Variants in TIMP3 observed in about 807,000 individuals in gnomAD.
TIMP3 encodes TIMP metallopeptidase inhibitor 3.
In TIMP3, 11 loss-of-function variants were observed where a neutral mutation model predicts 30.0. The observed-to-expected ratio is 0.37, with a 90% CI of 0.23 to 0.61. TIMP3 has a LOEUF of 0.61. Among genes scored for constraint, TIMP3 ranks in the 20% least tolerant of loss-of-function variants. The pLI, the probability that TIMP3 is intolerant of heterozygous loss-of-function variation, is 0.70. For missense variants in TIMP3, 181 were observed against 276.8 expected (o/e 0.65, Z 2.45); for synonymous variants, 112 against 111.3 (o/e 1.01, Z -0.04).
chr22:32,843,634 A>G (rs1475417784), intron 1 of TIMP3, among the ~76,000 whole-genome samples: 1 of 152,070 alleles, frequency 6.6e-6, no homozygotes, highest in Non-Finnish European at 1.5e-5. Flanking sequence ...GTGTGTTTTC[A>G]TGGGTAGGGC....
chr22:32,845,384 G>T (rs975011510), intron 1 of TIMP3, among the ~76,000 whole-genome samples: 1 of 151,932 alleles, frequency 6.6e-6, no homozygotes, highest in Admixed American at 6.6e-5. Context: ...TAGAGATGGG[G>T]TTTCACCATG....
intron 1 of TIMP3, among the ~76,000 whole-genome samples, chr22:32,820,175 C>T (rs953221636): frequency 1.3e-5 from 2 of 152,020 alleles, no homozygotes; most frequent in African/African-American, 4.8e-5. Flanking sequence ...GCTCCTGTGC[C>T]CAAGCCCTTC....
At chr22:32,838,369 C>T (rs2047797500) in intron 1 of TIMP3, among the ~76,000 whole-genome samples, 1 of 152,178 alleles carries the variant, frequency 6.6e-6, no homozygotes, top group African/African-American at 2.4e-5. Flanking sequence ...TTCCTGAGTG[C>T]TACCACAAGG....
intron 1 of TIMP3, among the ~76,000 whole-genome samples, chr22:32,815,300 CGG>C (rs1277742511): frequency 6.6e-6 from 1 of 152,134 alleles, no homozygotes; most frequent in Non-Finnish European, 1.5e-5. Context: ...AACCCATGTG[CGG>C]TGACACTGGA....
chr22:32,848,037 G>A (rs934919394), intron 1 of TIMP3, among the ~76,000 whole-genome samples: 18 of 152,172 alleles, frequency 1.2e-4, no homozygotes, highest in African/African-American at 4.1e-4. Context: ...GCAATTTCCA[G>A]TTTTGGTATT....
intron 1 of TIMP3, among the ~76,000 whole-genome samples, chr22:32,809,058 A>G (rs965303056): frequency 6.6e-6 from 1 of 152,194 alleles, no homozygotes; most frequent in East Asian, 1.9e-4. Context: ...GATCACAAAC[A>G]TAATACTGTA....
At chr22:32,831,315 G>A (rs1221348196) in intron 1 of TIMP3, among the ~76,000 whole-genome samples, 1 of 152,174 alleles carries the variant, frequency 6.6e-6, no homozygotes, top group Non-Finnish European at 1.5e-5. Context: ...GTGTCCCTGG[G>A]AATTGAAGGG....
intron 1 of TIMP3, among the ~76,000 whole-genome samples, chr22:32,802,910 C>G (rs2046628170): frequency 6.6e-6 from 1 of 152,068 alleles, no homozygotes; most frequent in South Asian, 2.1e-4. Context: ...ACAAACCTGC[C>G]AAGGGTCACA....
Position 32,858,118 on chromosome 22 carries a change from C to T in TIMP3, c.418C>T (p.His140Tyr). The change falls in exon 4 of 5, where the codon CAC becomes TAC. Residue 140 changes from histidine to tyrosine, a missense_variant. By Grantham distance (83) the His-to-Tyr change is moderately conservative. Transcript: ENST00000266085. ...SQRKGLNYRY[H>Y]LGCNCKIKSC... ...GCGCAAGGGGCTGAACTATCGGTAT[C>T]ACCTGGGTTGTAACTGCAAGGTAAG... 1 of 1,614,136 alleles carries T rather than the reference C, an allele frequency of 6.2e-7. No individual in the cohort carries two copies. Among genetic ancestry groups the T allele is most frequent in the Non-Finnish European group, 8.5e-7 (1 of 1,179,958 alleles).
chr22:32,854,195 G>A (rs1209883372), intron 2 of TIMP3, among the ~76,000 whole-genome samples: 1 of 152,182 alleles, frequency 6.6e-6, no homozygotes, highest in African/African-American at 2.4e-5. Flanking sequence ...CCTTTGCCAT[G>A]TTGTTCTTTT....
intron 1 of TIMP3, among the ~76,000 whole-genome samples, chr22:32,823,585 A>G (rs559214854): frequency 3.9e-4 from 60 of 152,232 alleles, no homozygotes; most frequent in African/African-American, 1.4e-3. Context: ...AGGAATAGCA[A>G]TTGGAGGGAA....
intron 1 of TIMP3, among the ~76,000 whole-genome samples, chr22:32,804,064 C>A (rs1325981107): frequency 6.6e-6 from 1 of 152,172 alleles, no homozygotes; most frequent in East Asian, 1.9e-4. Context: ...CAAGAAATAG[C>A]TCCCTCGCTC....
At chr22:32,839,265 G>A (rs2146185814) in intron 1 of TIMP3, among the ~76,000 whole-genome samples, 1 of 152,226 alleles carries the variant, frequency 6.6e-6, no homozygotes, top group Non-Finnish European at 1.5e-5. Flanking sequence ...AGGTGTAGGT[G>A]AGGATGTAAA....
At position 32,835,592 on chromosome 22, in the gene TIMP3, T is replaced by C. The variant is rs528213164; in HGVS notation, c.122-13860T>C. Reference sequence around the variant, plus strand: ...AGGGTCTCATGCAGATAGAATGGTATGTGCAAAGGCCCCAAGGCTTTGCAA... The same window carrying C: ...AGGGTCTCATGCAGATAGAATGGTACGTGCAAAGGCCCCAAGGCTTTGCAA... On this transcript the variant is annotated intron_variant, in intron 1 of 4. Transcript: ENST00000266085. 2.4e-4 allele frequency among the ~76,000 whole-genome samples: 36 copies of C among 152,282 alleles called. 1 individual carries two copies. In the South Asian group the frequency reaches 7.3e-3, roughly 31 times the overall value.
intron 1 of TIMP3, among the ~76,000 whole-genome samples, chr22:32,836,364 A>G (rs1279053252): frequency 6.6e-6 from 1 of 152,180 alleles, no homozygotes; most frequent in East Asian, 1.9e-4. Flanking sequence ...CTTCTTTATC[A>G]ATGACTCCAT....
At chr22:32,855,402 T>G (rs1044902613) in intron 2 of TIMP3, among the ~76,000 whole-genome samples, 1 of 152,172 alleles carries the variant, frequency 6.6e-6, no homozygotes, top group Non-Finnish European at 1.5e-5. Flanking sequence ...CTGGGGACCT[T>G]GGTCATAGAC....
At chr22:32,848,236 G>A (rs2048124432) in intron 1 of TIMP3, among the ~76,000 whole-genome samples, 1 of 152,208 alleles carries the variant, frequency 6.6e-6, no homozygotes, top group South Asian at 2.1e-4. Context: ...AACCCACTGG[G>A]TGTAATTACT....
At chr22:32,806,438 C>CT (rs1391108688) in intron 1 of TIMP3, among the ~76,000 whole-genome samples, 1 of 152,192 alleles carries the variant, frequency 6.6e-6, no homozygotes, top group African/African-American at 2.4e-5. Context: ...TCGCACTTGG[C>CT]TTTTACCATT....
chr22:32,855,701 G>C (rs2048343879), intron 2 of TIMP3, among the ~76,000 whole-genome samples: 1 of 152,178 alleles, frequency 6.6e-6, no homozygotes, highest in South Asian at 2.1e-4. Flanking sequence ...GCTGTCCTGA[G>C]TATTATGGGA....
Sources: gnomAD v4.1 joint callset for allele counts (sites outside exome capture counted in the v4.1 genomes callset) on GRCh38, gnomAD v4.1.1 for gene constraint, MANE v1.5 for transcripts, NCBI Gene and HGNC (gene_info 2026-07-23, HGNC 2026-07-21) for gene names.